The following CTNNA3 variants were observed in gnomAD, a reference collection of about 807,000 sequenced individuals.
CTNNA3 encodes catenin alpha 3.
CTNNA3 carries 76 observed loss-of-function variants against 95.7 expected under a neutral mutation model. The ratio of observed to expected loss-of-function variants is 0.79; its 90% CI spans 0.66 to 0.96. CTNNA3 has a LOEUF of 0.96. Among genes scored for constraint, CTNNA3 ranks in the 40% least tolerant of loss-of-function variants. The pLI, the probability that CTNNA3 is intolerant of heterozygous loss-of-function variation, is 0.00. For synonymous variants in CTNNA3, 431 were observed against 374.4 expected (o/e 1.15, Z -1.74); for missense variants, 1,191 against 1,089.8 (o/e 1.09, Z -1.31).
At chr10:67,638,912 A>T (rs1839421706) in intron 2 of CTNNA3, among the ~76,000 whole-genome samples, 1 of 152,220 alleles carries the variant, frequency 6.6e-6, no homozygotes, top group South Asian at 2.1e-4. Context: ...AGCAGGAAAG[A>T]TCTAAAATTG....
intron 6 of CTNNA3, among the ~76,000 whole-genome samples, chr10:67,193,102 G>T (rs946693568): frequency 2.0e-5 from 3 of 151,952 alleles, no homozygotes; most frequent in Non-Finnish European, 2.9e-5. Flanking sequence ...AGTTGCCACA[G>T]ATGAGAGGGT....
chr10:66,158,625 A>G (rs1284766410), intron 13 of CTNNA3, among the ~76,000 whole-genome samples: 1 of 152,096 alleles, frequency 6.6e-6, no homozygotes, highest in Admixed American at 6.6e-5. Context: ...TGCTTTGGCT[A>G]TGCAGGCTCT....
chr10:67,147,367 G>C (rs951644148), intron 7 of CTNNA3, among the ~76,000 whole-genome samples: 15 of 152,114 alleles, frequency 9.9e-5, no homozygotes, highest in Non-Finnish European at 1.6e-4. Flanking sequence ...CTCACAGAAT[G>C]GTTATGAGAA....
At chr10:66,919,622 G>C (rs1345608768) in intron 7 of CTNNA3, among the ~76,000 whole-genome samples, 2 of 152,108 alleles carry the variant, frequency 1.3e-5, no homozygotes, top group African/African-American at 4.8e-5. Flanking sequence ...CATTTTAATG[G>C]TCAGACCTGG....
At chr10:66,420,821 A>AT (rs1283513482) in intron 11 of CTNNA3, among the ~76,000 whole-genome samples, 1 of 110,308 alleles carries the variant, frequency 9.1e-6, no homozygotes, top group Non-Finnish European at 1.7e-5. Context: ...AAATAAATAA[A>AT]TAAATAAATA....
chr10:66,424,876 G>A (rs1331972244), intron 11 of CTNNA3, among the ~76,000 whole-genome samples: 1 of 151,996 alleles, frequency 6.6e-6, no homozygotes, highest in Non-Finnish European at 1.5e-5. Flanking sequence ...ATTCTATCAT[G>A]AGGCTGAGGC....
At chr10:66,222,806 G>A (rs1341981479) in intron 13 of CTNNA3, among the ~76,000 whole-genome samples, 4 of 151,800 alleles carry the variant, frequency 2.6e-5, no homozygotes, top group African/African-American at 9.7e-5. Context: ...GAAAAGAAAG[G>A]TAGGCACTAA....
intron 13 of CTNNA3, among the ~76,000 whole-genome samples, chr10:66,128,319 C>G (rs1262399187): frequency 6.6e-6 from 1 of 151,690 alleles, no homozygotes; most frequent in African/African-American, 2.4e-5. Context: ...TCAAATATGC[C>G]AGGTCCACAT....
intron 6 of CTNNA3, among the ~76,000 whole-genome samples, chr10:67,188,687 G>A (rs1862979624): frequency 6.6e-6 from 1 of 152,108 alleles, no homozygotes; most frequent in South Asian, 2.1e-4. Flanking sequence ...AGAGATATAT[G>A]TACTCTCATG....
At chr10:66,702,732 A>AAGTAGTAGT (rs3055636) in intron 9 of CTNNA3, among the ~76,000 whole-genome samples, 15,594 of 134,196 alleles carry the variant, frequency 0.12, 1,291 homozygotes, top group African/African-American at 0.23. Flanking sequence ...AAAAAAGAAT[A>AAGTAGTAGT]AGTAGTAGTA....
chr10:66,221,665 C>T (rs894761865), intron 13 of CTNNA3, among the ~76,000 whole-genome samples: 1 of 152,186 alleles, frequency 6.6e-6, no homozygotes, highest in Non-Finnish European at 1.5e-5. Context: ...TGAGAACATA[C>T]TTCCATTTAA....
intron 1 of CTNNA3, among the ~76,000 whole-genome samples, chr10:67,676,437 C>A (rs1202606963): frequency 3.3e-5 from 5 of 152,146 alleles, no homozygotes; most frequent in South Asian, 2.1e-4. Flanking sequence ...GGGTCCACTT[C>A]AATAGTTTTG....
intron 9 of CTNNA3, among the ~76,000 whole-genome samples, chr10:66,657,847 T>A (rs1846121122): frequency 6.6e-6 from 1 of 152,200 alleles, no homozygotes. Flanking sequence ...GGGAAGGCAG[T>A]CGTGCAATTA....
At chr10:67,053,584 T>C (rs925214157) in intron 7 of CTNNA3, among the ~76,000 whole-genome samples, 8 of 152,220 alleles carry the variant, frequency 5.3e-5, no homozygotes, top group African/African-American at 1.9e-4. Context: ...ATAAATTCTT[T>C]TGTTTTCATC....
chr10:66,495,425 A>C (rs1840067917), intron 11 of CTNNA3, among the ~76,000 whole-genome samples: 1 of 152,190 alleles, frequency 6.6e-6, no homozygotes, highest in Non-Finnish European at 1.5e-5. Flanking sequence ...AGAGGCATTA[A>C]TTTAAAGGAA....
chr10:66,974,912 G>A (rs987419946), intron 7 of CTNNA3, among the ~76,000 whole-genome samples: 44 of 151,244 alleles, frequency 2.9e-4, no homozygotes, highest in Non-Finnish European at 6.2e-4. Flanking sequence ...TTTTTTTAAG[G>A]AGAAAAAAGT....
chr10:67,736,214 T>C (rs1356077764), intron 1 of CTNNA3, among the ~76,000 whole-genome samples: 1 of 152,132 alleles, frequency 6.6e-6, no homozygotes, highest in Admixed American at 6.5e-5. Context: ...ATTGTATAAT[T>C]CCACTTATAT....
Position 67,188,089 on chromosome 10 carries a change from C to T in CTNNA3, c.844-7569G>A, listed in dbSNP as rs138865810. On this transcript the variant is annotated intron_variant, in intron 6 of 17. Coordinates refer to ENST00000433211, the MANE Select transcript of CTNNA3 (RefSeq NM_013266.4). Reference sequence around the variant, plus strand: ...TTAACACTATTAACCAAGAAAATCACAAAAATACGTAACTACAATGTGGAT... The same window carrying T: ...TTAACACTATTAACCAAGAAAATCATAAAAATACGTAACTACAATGTGGAT... Among the ~76,000 whole-genome samples the T allele has an allele frequency of 5.1e-3, 782 of 152,248 alleles. 6 individuals are homozygous for T. The highest frequency in any genetic ancestry group is 0.018 in the African/African-American group (732 of 41,550).
chr10:67,387,851 T>G (rs978495262), intron 5 of CTNNA3, among the ~76,000 whole-genome samples: 2 of 152,212 alleles, frequency 1.3e-5, no homozygotes, highest in African/African-American at 4.8e-5. Flanking sequence ...CTGAGGGTCC[T>G]GTCTGTTAGA....
Sources: allele counts gnomAD v4.1 joint callset (sites outside exome capture counted in the v4.1 genomes callset), GRCh38; gene constraint gnomAD v4.1.1; transcripts MANE v1.5; gene names NCBI Gene and HGNC (gene_info 2026-07-23, HGNC 2026-07-21).